SEMA6D: variants seen among roughly 807,000 people sequenced by gnomAD.
SEMA6D encodes the protein semaphorin 6D.
Under a neutral mutation model 106.6 loss-of-function variants are expected in SEMA6D, and 35 were observed. The observed-to-expected ratio is 0.33, with a 90% CI of 0.25 to 0.44. The LOEUF (loss-of-function observed/expected upper bound fraction) is 0.44, where lower values mean the gene tolerates loss of function less well. Ranked by LOEUF, SEMA6D falls within the 20% of genes least tolerant of loss-of-function variation. The pLI, the probability that SEMA6D is intolerant of heterozygous loss-of-function variation, is 1.00. For missense variants in SEMA6D, 1,185 were observed against 1,345.9 expected, an observed-to-expected ratio of 0.88 and a Z score of 1.87; for synonymous variants, 499 against 487.7, an observed-to-expected ratio of 1.02 and a Z score of -0.31.
intron 4 of SEMA6D, among the ~76,000 whole-genome samples, chr15:47,661,540 A>C (rs189399367): frequency 4.6e-5 from 7 of 152,344 alleles, no homozygotes; most frequent in Admixed American, 2.6e-4. Context: ...TGAAGGGAGG[A>C]ACTCAGAGAG....
At chr15:47,504,847 G>T (rs12594780) in intron 3 of SEMA6D, among the ~76,000 whole-genome samples, 1 of 151,942 alleles carries the variant, frequency 6.6e-6, no homozygotes, top group Non-Finnish European at 1.5e-5. Flanking sequence ...CTTCCCCGGG[G>T]AGTGTCTGCG....
chr15:47,447,452 G>C (rs1041468385), intron 2 of SEMA6D, among the ~76,000 whole-genome samples: 2 of 152,036 alleles, frequency 1.3e-5, no homozygotes, highest in African/African-American at 4.8e-5. Flanking sequence ...AACCCAAAAG[G>C]ACTGGGATTG....
chr15:47,340,496 A>G (rs1209034197), intron 1 of SEMA6D, among the ~76,000 whole-genome samples: 1 of 152,178 alleles, frequency 6.6e-6, no homozygotes, highest in Non-Finnish European at 1.5e-5. Context: ...TTCCCTTTTC[A>G]TCAAAGTAGT....
chr15:47,512,425 G>A (rs2044260793), intron 3 of SEMA6D, among the ~76,000 whole-genome samples: 1 of 152,164 alleles, frequency 6.6e-6, no homozygotes, highest in Non-Finnish European at 1.5e-5. Context: ...GGATCCAGGA[G>A]GCAATGAGTG....
At chr15:47,277,172 A>T (rs2142388617) in intron 1 of SEMA6D, among the ~76,000 whole-genome samples, 1 of 152,224 alleles carries the variant, frequency 6.6e-6, no homozygotes, top group South Asian at 2.1e-4. Context: ...CTTGAGATGG[A>T]CTCTACTCCT....
chr15:47,464,205 C>A (rs2042594636), intron 2 of SEMA6D, among the ~76,000 whole-genome samples: 1 of 151,958 alleles, frequency 6.6e-6, no homozygotes, highest in Non-Finnish European at 1.5e-5. Context: ...AGCTACAATC[C>A]CTCATCAGTA....
At chr15:47,393,708 A>G (rs747109010) in intron 1 of SEMA6D, among the ~76,000 whole-genome samples, 1 of 149,526 alleles carries the variant, frequency 6.7e-6, no homozygotes, top group Non-Finnish European at 1.5e-5. Context: ...CGTGAAATTT[A>G]AATGAAGGTC....
At chr15:47,210,407 A>T (rs917141367) in intron 1 of SEMA6D, among the ~76,000 whole-genome samples, 1 of 152,108 alleles carries the variant, frequency 6.6e-6, no homozygotes, top group African/African-American at 2.4e-5. Context: ...ATACTTGGCC[A>T]TGTGATATTT....
intron 1 of SEMA6D, among the ~76,000 whole-genome samples, chr15:47,260,399 A>G (rs62014035): frequency 0.012 from 1,781 of 152,224 alleles, 33 homozygotes; most frequent in Admixed American, 0.012. Context: ...GGTTCCAGTC[A>G]TACCTTAATT....
chr15:47,615,616 A>G (rs552013152), intron 4 of SEMA6D, among the ~76,000 whole-genome samples: 76 of 152,334 alleles, frequency 5.0e-4, no homozygotes, highest in African/African-American at 1.7e-3. Context: ...GAAAACAAAT[A>G]AGGAATACCC....
At chr15:47,518,524 C>G (rs1416879109) in intron 3 of SEMA6D, among the ~76,000 whole-genome samples, 2 of 152,194 alleles carry the variant, frequency 1.3e-5, no homozygotes, top group African/African-American at 4.8e-5. Context: ...TGCTCCTCAG[C>G]TACAAACCTG....
chr15:47,492,644 C>A (rs2043508570), intron 3 of SEMA6D, among the ~76,000 whole-genome samples: 1 of 152,076 alleles, frequency 6.6e-6, no homozygotes. Flanking sequence ...TAAGTGAATT[C>A]TTAAAATTGT....
chr15:47,571,174 C>T (rs950566612), intron 3 of SEMA6D, among the ~76,000 whole-genome samples: 4 of 151,962 alleles, frequency 2.6e-5, no homozygotes, highest in Admixed American at 2.6e-4. Flanking sequence ...CATAAGTTCA[C>T]TTCTGATGGA....
chr15:47,596,076 AAAAC>A (rs1257372607), intron 3 of SEMA6D, among the ~76,000 whole-genome samples: 2 of 152,128 alleles, frequency 1.3e-5, no homozygotes, highest in African/African-American at 4.8e-5. Flanking sequence ...TTAGAACTGA[AAAAC>A]AAATACAGTA....
At chr15:47,696,590 G>T (rs908128520) in intron 4 of SEMA6D, among the ~76,000 whole-genome samples, 3 of 152,192 alleles carry the variant, frequency 2.0e-5, no homozygotes, top group Non-Finnish European at 4.4e-5. Flanking sequence ...CCTGACATCT[G>T]CTGTGCAGCT....
intron 1 of SEMA6D, among the ~76,000 whole-genome samples, chr15:47,220,960 A>G (rs2031141790): frequency 6.6e-6 from 1 of 152,218 alleles, no homozygotes; most frequent in African/African-American, 2.4e-5. Context: ...CAATGTTAAT[A>G]TATTAAAATG....
intron 1 of SEMA6D, among the ~76,000 whole-genome samples, chr15:47,379,123 G>A (rs904544781): frequency 2.7e-4 from 41 of 152,034 alleles, no homozygotes; most frequent in African/African-American, 9.7e-4. Flanking sequence ...TTATTGACAC[G>A]GTTAACTGGT....
chr15:47,247,388 C>T (rs969514737), intron 1 of SEMA6D, among the ~76,000 whole-genome samples: 1 of 151,494 alleles, frequency 6.6e-6, no homozygotes. Flanking sequence ...CTGGAATGAA[C>T]ATATGAAATT....
At chr15:47,350,323 A>G (rs920283833) in intron 1 of SEMA6D, among the ~76,000 whole-genome samples, 1 of 152,218 alleles carries the variant, frequency 6.6e-6, no homozygotes, top group Non-Finnish European at 1.5e-5. Context: ...TGCATACAGC[A>G]TATAAAAATA....
Sources: allele counts gnomAD v4.1 joint callset (sites outside exome capture counted in the v4.1 genomes callset), GRCh38; gene constraint gnomAD v4.1.1; transcripts MANE v1.5; gene names NCBI Gene and HGNC (gene_info 2026-07-23, HGNC 2026-07-21).